Variants in PAGR1 observed in about 807,000 individuals in gnomAD.
PAGR1 encodes the protein PAXIP1 associated glutamate rich protein 1.
In PAGR1, 20 loss-of-function variants were observed where a neutral mutation model predicts 22.4. The ratio of observed to expected loss-of-function variants is 0.89; its 90% CI spans 0.63 to 1.30. The LOEUF (loss-of-function observed/expected upper bound fraction) is 1.30, where lower values mean the gene tolerates loss of function less well. PAGR1 is among the 50% of genes most tolerant of loss of function. The pLI is 0.00. For synonymous variants in PAGR1, 161 were observed against 148.3 expected, an observed-to-expected ratio of 1.09 and a Z score of -0.62; for missense variants, 338 against 343.6, an observed-to-expected ratio of 0.98 and a Z score of 0.13.
chr16:29,820,390 C>T lies in PAGR1; in HGVS notation c.*636C>T, dbSNP rs953050627. 2.0e-5 allele frequency: 3 copies of T among 152,354 alleles called. No individual in the cohort carries two copies. The highest frequency in any genetic ancestry group is 4.4e-5 in the Non-Finnish European group (3 of 68,058). 9.4% of individuals were successfully genotyped at this position (152,354 alleles called of 1,614,324 possible). A position where few individuals can be genotyped will look rare whatever the true frequency, so the allele number is the denominator to read the frequency against. On this transcript the variant is annotated 3_prime_UTR_variant, in exon 3 of 3. Coordinates refer to ENST00000320330, the MANE Select transcript of PAGR1 (RefSeq NM_024516.4). ...AATGAGAACCAGCTGCACACGGGCC[C>T]TTTAACTCCCAAGCCCCACCCCTGG...
Position 29,816,768 on chromosome 16 carries a change from GGA to G in PAGR1, c.245_246del (p.Glu82GlyfsTer35). The G allele has an allele frequency of 2.5e-6, 4 of 1,586,626 alleles. No homozygotes were observed. The highest frequency in any genetic ancestry group is 3.4e-6 in the Non-Finnish European group (4 of 1,167,120). ...GCGCTGGGGGAGAAGAGCCTGCCGA[GGA>G]GGACTCCGAGGACTGGTGCGTGCCC... ...PSAGGEEPAE[E>X]DSEDWCVPCS... is the part of the protein sequence containing the mutation. On this transcript the variant is annotated frameshift_variant, in exon 1 of 3. Coordinates refer to ENST00000320330, the MANE Select transcript of PAGR1 (RefSeq NM_024516.4). LOFTEE classifies it high-confidence loss of function.
At chr16:29,817,358 C>G (rs1428249824) in intron 2 of PAGR1, 66 bp downstream of exon 2, 2 of 1,493,438 alleles carry the variant, frequency 1.3e-6, no homozygotes, top group East Asian at 2.4e-5. Context: ...AAGATCGGCT[C>G]CCCTAGAGGC....
intron 2 of PAGR1, chr16:29,817,916 A>C: frequency 6.6e-6 from 1 of 152,100 alleles, no homozygotes; most frequent in East Asian, 2.0e-4. Context: ...CTGAGATCAC[A>C]CCACTGCACT....
At position 29,821,584 on chromosome 16, in the gene PAGR1, G is replaced by A. The variant is rs1297513257; in HGVS notation, c.*1830G>A. ...TCTGGGCAGTACACAGCCCCACCCA[G>A]GTCCTCTAGTTCTTGTTCTCGGCTT... On this transcript the variant is annotated 3_prime_UTR_variant, in exon 3 of 3. Transcript: ENST00000320330. Among the ~76,000 whole-genome samples the A allele has an allele frequency of 6.6e-6, 1 of 152,204 alleles. No individual in the cohort carries two copies. Among genetic ancestry groups the A allele is most frequent in the Non-Finnish European group, 1.5e-5 (1 of 68,034 alleles).
Position 29,820,163 on chromosome 16 carries a change from G to C in PAGR1, c.*409G>C, listed in dbSNP as rs776916030. ...TCAACAGTTAGGCCCCACTTGAAGG[G>C]AGAGGCAGAATTGTACTCACCCAGA... On this transcript the variant is annotated 3_prime_UTR_variant, in exon 3 of 3. Transcript: ENST00000320330. 5 of 164,492 alleles carry C rather than the reference G, an allele frequency of 3.0e-5. No homozygotes were observed. Among genetic ancestry groups the C allele is most frequent in the Non-Finnish European group, 5.3e-5 (4 of 75,548 alleles). 10.2% of individuals were successfully genotyped at this position (164,492 alleles called of 1,614,324 possible).
At chr16:29,817,066 A>G in intron 1 of PAGR1, 59 bp downstream of exon 1, 1 of 1,554,850 alleles carries the variant, frequency 6.4e-7, no homozygotes, top group Non-Finnish European at 8.7e-7. Flanking sequence ...GGGAGGAAAT[A>G]GGGAGGGGAA....
intron 2 of PAGR1, among the ~76,000 whole-genome samples, 176 bp downstream of exon 2, chr16:29,817,468 CTTTT>C (rs753890811): frequency 8.2e-6 from 1 of 122,568 alleles, no homozygotes; most frequent in Non-Finnish European, 1.6e-5. Flanking sequence ...CCTTGTCTTC[CTTTT>C]TTTTTTTTTT....
In PAGR1 at chr16:29,819,776, G is replaced by A. The variant is rs1454829372; in HGVS notation, c.*22G>A. 6.3e-7 allele frequency: 1 copy of A among 1,598,530 alleles called. No homozygotes were observed. Among genetic ancestry groups the A allele is most frequent in the Non-Finnish European group, 8.6e-7 (1 of 1,168,718 alleles). ...CTGATTCCCACTGCTCCTGCCTCTA[G>A]GGTGCAGTGTCCGTACCTGCTGGAG... On this transcript the variant is annotated 3_prime_UTR_variant, in exon 3 of 3. Coordinates refer to ENST00000320330, the MANE Select transcript of PAGR1 (RefSeq NM_024516.4).
rs764846097 is a variant in PAGR1 at position 29,819,679 on chromosome 16, G to A, written c.690G>A (p.Ser230=). The change falls in exon 3 of 3, where the codon TCG becomes TCA. Residue 230 remains serine (S), a synonymous_variant. Coordinates refer to ENST00000320330, the MANE Select transcript of PAGR1 (RefSeq NM_024516.4). ...GGAGGGACCTCTTCAGCCTGGACTC[G>A]GAGGACCCCAGCCCCGCCAGCCCCC... is the stretch of plus-strand genomic sequence containing the variant. The part of the protein sequence containing the change: ...RTGRDLFSLD[S]EDPSPASPPL... 1.4e-5 allele frequency: 23 copies of A among 1,613,786 alleles called. No homozygotes were observed. Among genetic ancestry groups the A allele is most frequent in the Admixed American group, 1.3e-4 (8 of 59,998 alleles).
At chr16:29,817,621 A>G (rs1900278161) in intron 2 of PAGR1, among the ~76,000 whole-genome samples, 1 of 151,356 alleles carries the variant, frequency 6.6e-6, no homozygotes, top group Non-Finnish European at 1.5e-5. Context: ...TTACAGACGC[A>G]TGCCACCACT....
chr16:29,819,021 A>C (rs1312712487), intron 2 of PAGR1, among the ~76,000 whole-genome samples: 2 of 151,108 alleles, frequency 1.3e-5, no homozygotes, highest in Non-Finnish European at 2.9e-5. Context: ...GGGGAGACGG[A>C]GTGTAGCTGT....
intron 2 of PAGR1, 39 bp from the exon 3 acceptor site, chr16:29,819,516 C>T (rs755429626): frequency 1.9e-6 from 3 of 1,608,822 alleles, no homozygotes; most frequent in Non-Finnish European, 2.6e-6. Flanking sequence ...TGTACACCAC[C>T]TCCATCCCTT....
At chr16:29,817,113 G>A in intron 1 of PAGR1, 97 bp from the exon 2 acceptor site, 1 of 1,587,430 alleles carries the variant, frequency 6.3e-7, no homozygotes, top group Non-Finnish European at 8.6e-7. Context: ...GTGGAGGGAG[G>A]GAAGCCAGCG....
rs1372928575 is a variant in PAGR1 at position 29,821,950 on chromosome 16, A to G, written c.*2196A>G. On this transcript the variant is annotated 3_prime_UTR_variant, in exon 3 of 3. Coordinates refer to ENST00000320330, the MANE Select transcript of PAGR1 (RefSeq NM_024516.4). ...GTTAAGAATTCCAGCCTAGGGCTGGATGCGGTGGCTCAGGCCTGTAATCCC... is the reference window on the plus strand; with the variant it reads ...GTTAAGAATTCCAGCCTAGGGCTGGGTGCGGTGGCTCAGGCCTGTAATCCC... Among the ~76,000 whole-genome samples, 1 of 152,152 alleles carries G rather than the reference A, an allele frequency of 6.6e-6. No individual in the cohort carries two copies. The highest frequency in any genetic ancestry group is 1.5e-5 in the Non-Finnish European group (1 of 68,006).
In PAGR1 at chr16:29,821,572, C is replaced by T. The variant is rs1037002987; in HGVS notation, c.*1818C>T. 2.6e-5 allele frequency among the ~76,000 whole-genome samples: 4 copies of T among 152,182 alleles called. No homozygotes were observed. Among genetic ancestry groups the T allele is most frequent in the African/African-American group, 9.7e-5 (4 of 41,446 alleles). ...CCATTAGCACCATCTGGGCAGTACA[C>T]AGCCCCACCCAGGTCCTCTAGTTCT... On this transcript the variant is annotated 3_prime_UTR_variant, in exon 3 of 3. Transcript: ENST00000320330.
chr16:29,819,024 G>A (rs1596900967), intron 2 of PAGR1, among the ~76,000 whole-genome samples: 2 of 151,920 alleles, frequency 1.3e-5, no homozygotes, highest in South Asian at 4.2e-4. Flanking sequence ...GAGACGGAGT[G>A]TAGCTGTGTC....
In PAGR1 at chr16:29,822,236, G is replaced by T. The variant is rs772833341; in HGVS notation, c.*2482G>T. On this transcript the variant is annotated 3_prime_UTR_variant, in exon 3 of 3. Coordinates refer to ENST00000320330, the MANE Select transcript of PAGR1 (RefSeq NM_024516.4). ...TGCCTCTGGTGACTGGTGTTAATTG[G>T]CAGGAGTGGGAGGAGGGAGGACAAG... is the stretch of plus-strand genomic sequence containing the variant. 1.3e-5 allele frequency among the ~76,000 whole-genome samples: 2 copies of T among 151,986 alleles called. No homozygotes were observed. The highest frequency in any genetic ancestry group is 2.1e-4 in the South Asian group (1 of 4,810).
At position 29,821,374 on chromosome 16, in the gene PAGR1, G is replaced by C. The variant is rs576877456; in HGVS notation, c.*1620G>C. ...GGCTGTTTGGGCAGGACAGCCCTCT[G>C]TATGTAGCCTTGAGCAGGTAGGGGG... is the stretch of plus-strand genomic sequence containing the variant. On this transcript the variant is annotated 3_prime_UTR_variant, in exon 3 of 3. Coordinates refer to ENST00000320330, the MANE Select transcript of PAGR1 (RefSeq NM_024516.4). 12 of 152,358 alleles carry C rather than the reference G, an allele frequency of 7.9e-5. No homozygotes were observed. The highest frequency in any genetic ancestry group is 3.3e-4 in the Admixed American group (5 of 15,300). 9.4% of individuals were successfully genotyped at this position (152,358 alleles called of 1,614,324 possible).
At chr16:29,817,382 C>T (rs1424417621) in intron 2 of PAGR1, 90 bp downstream of exon 2, 1 of 1,239,088 alleles carries the variant, frequency 8.1e-7, no homozygotes, top group Admixed American at 1.9e-5. Flanking sequence ...TGCTTGCTGC[C>T]TCAGCTCCCA....
Sources: allele counts gnomAD v4.1 joint callset (sites outside exome capture counted in the v4.1 genomes callset), GRCh38; gene constraint gnomAD v4.1.1; transcripts MANE v1.5; gene names NCBI Gene and HGNC (gene_info 2026-07-23, HGNC 2026-07-21).